SAFB: variants seen among roughly 807,000 people sequenced by gnomAD.
SAFB encodes the protein scaffold attachment factor B.
In SAFB, 15 loss-of-function variants were observed where a neutral mutation model predicts 101.6. That is an observed-to-expected ratio of 0.15 (90% CI 0.10 to 0.23). The LOEUF is 0.23. SAFB is among the 10% of genes least tolerant of loss of function. The pLI, the probability that SAFB is intolerant of heterozygous loss-of-function variation, is 1.00. For synonymous variants in SAFB, 449 were observed against 407.5 expected (o/e 1.10, Z -1.23); for missense variants, 930 against 1,104.1 (o/e 0.84, Z 2.23).
chr19:5,652,930 C>T (rs1050591670), intron 9 of SAFB, among the ~76,000 whole-genome samples, 185 bp from the exon 10 acceptor site: 2 of 152,116 alleles, frequency 1.3e-5, no homozygotes, highest in Admixed American at 6.6e-5. Flanking sequence ...ACTAGATGAG[C>T]GATTAGAACT....
At chr19:5,641,089 C>T (rs906914358) in intron 2 of SAFB, among the ~76,000 whole-genome samples, 11 of 152,218 alleles carry the variant, frequency 7.2e-5, no homozygotes, top group Middle Eastern at 3.4e-3. Flanking sequence ...AGGCTGGTCT[C>T]GAACTCCTGA....
In SAFB at chr19:5,653,367, C is replaced by G. The variant is rs139816913; in HGVS notation, c.1473C>G (p.Thr491=). The change falls in exon 11 of 21, where the codon ACC becomes ACG. Residue 491 remains threonine (T), a synonymous_variant. Coordinates refer to ENST00000588852, the MANE Select transcript of SAFB (RefSeq NM_001201338.2). ...AAAATGAACCTGTGGGAAAGAAAAC[C>G]TCTGACAAAAGAGACAGTGACGGGA... ...KAKNEPVGKK[T]SDKRDSDGKK... is the part of the protein sequence containing the mutation. 6.2e-7 allele frequency: 1 copy of G among 1,613,970 alleles called. No homozygotes were observed. Among genetic ancestry groups the G allele is most frequent in the African/African-American group, 1.3e-5 (1 of 74,882 alleles).
chr19:5,645,394 T>C lies in SAFB; in HGVS notation c.604T>C (p.Leu202=). ...LDTSSSDFTI[L]QEIEEPSLEP... ...TACTTCATCATCTGACTTCACTATA[T>C]TACAGGTAAACTGTTGTATGTCTCA... The change falls in exon 5 of 21, where the codon TTA becomes CTA. Residue 202 remains leucine, a synonymous_variant. Coordinates refer to ENST00000588852, the MANE Select transcript of SAFB (RefSeq NM_001201338.2). The C allele has an allele frequency of 1.5e-6, 2 of 1,352,202 alleles. No homozygotes were observed. The highest frequency in any genetic ancestry group is 1.2e-5 in the South Asian group (1 of 84,930). The allele number at this position is 1,352,202 out of a possible 1,614,324, so 83.8% of individuals were successfully genotyped here.
intron 2 of SAFB, among the ~76,000 whole-genome samples, chr19:5,639,140 A>T (rs1385857039): frequency 1.3e-5 from 2 of 152,224 alleles, no homozygotes; most frequent in Non-Finnish European, 1.5e-5. Flanking sequence ...ATACAAATAT[A>T]ATATTGCGGA....
Position 5,654,192 on chromosome 19 carries a change from C to G in SAFB, c.1658C>G (p.Thr553Arg). 6.2e-7 allele frequency: 1 copy of G among 1,614,226 alleles called. No individual in the cohort carries two copies. ...GGCCCCTCAGAGCGATCTCGAGCCA[C>G]AAAGTCAGGTGGGCAGCTCATGAGC... ...KPGPSERSRA[T>R]KSGSRGTERT... Residue 553 changes from threonine to arginine, a missense_variant, in exon 12 of 21, where the codon ACA becomes AGA. Physicochemically the swap from Thr to Arg is moderately conservative, Grantham distance 71 (BLOSUM62 -1). Coordinates refer to ENST00000588852, the MANE Select transcript of SAFB (RefSeq NM_001201338.2).
chr19:5,645,540 T>C, intron 5 of SAFB, 141 bp downstream of exon 5: 1 of 543,946 alleles, frequency 1.8e-6, no homozygotes, highest in Non-Finnish European at 3.3e-6. Context: ...TAATGGGTGT[T>C]TGCTTTCTGC....
intron 2 of SAFB, among the ~76,000 whole-genome samples, chr19:5,637,378 A>G (rs2145418854): frequency 1.3e-5 from 2 of 150,062 alleles, no homozygotes; most frequent in South Asian, 4.2e-4. Flanking sequence ...TTCAGGCTGG[A>G]TGTGGTGACT....
intron 14 of SAFB, among the ~76,000 whole-genome samples, chr19:5,658,458 C>G (rs758033843): frequency 6.6e-6 from 1 of 152,160 alleles, no homozygotes; most frequent in East Asian, 1.9e-4. Flanking sequence ...TTCGGGAGGC[C>G]GAGGCTGGTG....
In SAFB at chr19:5,654,043, C is replaced by G; in HGVS notation, c.1527-18C>G. Reference sequence around the variant, plus strand: ...GGCATGAGCCACCACGCCCAGCCAACATGTCTGTTTTTTATAGATCTACAA... The same window carrying G: ...GGCATGAGCCACCACGCCCAGCCAAGATGTCTGTTTTTTATAGATCTACAA... On this transcript the variant is annotated intron_variant, in intron 11 of 20. Transcript: ENST00000588852. 1.2e-6 allele frequency: 2 copies of G among 1,613,268 alleles called. No homozygotes were observed. The highest frequency in any genetic ancestry group is 1.7e-6 in the Non-Finnish European group (2 of 1,179,540).
At chr19:5,648,141 C>T (rs1271852530) in intron 6 of SAFB, 98 bp downstream of exon 6, 1 of 1,006,536 alleles carries the variant, frequency 9.9e-7, no homozygotes, top group Non-Finnish European at 1.5e-6. Context: ...AGTTACCTTA[C>T]TATAGTATAC....
At chr19:5,635,976 C>G (rs1348407112) in intron 2 of SAFB, among the ~76,000 whole-genome samples, 1 of 152,022 alleles carries the variant, frequency 6.6e-6, no homozygotes, top group Non-Finnish European at 1.5e-5. Flanking sequence ...ACTGTCTTTC[C>G]TCAAGTCGTG....
At chr19:5,639,977 A>G (rs1003836662) in intron 2 of SAFB, among the ~76,000 whole-genome samples, 4 of 151,780 alleles carry the variant, frequency 2.6e-5, no homozygotes, top group Admixed American at 6.6e-5. Context: ...AGCTGGGATT[A>G]CAGTCATGCC....
At chr19:5,652,918 G>GA (rs1292735895) in intron 9 of SAFB, among the ~76,000 whole-genome samples, 197 bp from the exon 10 acceptor site, 1 of 152,142 alleles carries the variant, frequency 6.6e-6, no homozygotes, top group Non-Finnish European at 1.5e-5. Flanking sequence ...CCCCCTTGAG[G>GA]AACTAGATGA....
chr19:5,623,282 C>T lies in SAFB; in HGVS notation c.77C>T (p.Thr26Ile). 1 of 1,612,996 alleles carries T rather than the reference C, an allele frequency of 6.2e-7. No individual in the cohort carries two copies. The highest frequency in any genetic ancestry group is 8.5e-7 in the Non-Finnish European group (1 of 1,179,518). Reference sequence around the variant, plus strand: ...GCTCTGAGCTCCGCCTCGTCAGAGACCGGGACGCGGCGCCTCAGCGACCTG... The same window carrying T: ...GCTCTGAGCTCCGCCTCGTCAGAGATCGGGACGCGGCGCCTCAGCGACCTG... ...AAALSSASSE[T>I]GTRRLSDLRV... is the part of the protein sequence containing the mutation. The change falls in exon 1 of 21, where the codon ACC becomes ATC. Residue 26 changes from threonine (T) to isoleucine (I), a missense_variant. This residue lies in a region of SAFB where 44 missense variants were observed against 35.8 expected (regional missense o/e 1.23). Transcript: ENST00000588852.
At chr19:5,645,158 T>A (rs1446271777) in intron 4 of SAFB, among the ~76,000 whole-genome samples, 179 bp from the exon 5 acceptor site, 1 of 152,250 alleles carries the variant, frequency 6.6e-6, no homozygotes, top group Non-Finnish European at 1.5e-5. Context: ...GACATTTACA[T>A]ACAACTTTTT....
At position 5,654,133 on chromosome 19, in the gene SAFB, A is replaced by G; in HGVS notation, c.1599A>G (p.Gly533=). The G allele has an allele frequency of 6.2e-7, 1 of 1,614,184 alleles. No individual in the cohort carries two copies. The highest frequency in any genetic ancestry group is 8.5e-7 in the Non-Finnish European group (1 of 1,180,004). Reference sequence around the variant, plus strand: ...CTAAGAAGGGTGACGACGGAAGTGGAGAAAAGAGTAAGGACCAAGATGATC... The same window carrying G: ...CTAAGAAGGGTGACGACGGAAGTGGGGAAAAGAGTAAGGACCAAGATGATC... ...DDAKKGDDGS[G]EKSKDQDDQK... Residue 533 remains glycine (G), a synonymous_variant, in exon 12 of 21, where the codon GGA becomes GGG. Coordinates refer to ENST00000588852, the MANE Select transcript of SAFB (RefSeq NM_001201338.2).
At chr19:5,623,506 G>T in intron 1 of SAFB, 112 bp downstream of exon 1, 2 of 859,004 alleles carry the variant, frequency 2.3e-6, no homozygotes, top group South Asian at 3.9e-5. Context: ...GGCCTCGCCG[G>T]ACCTGGCGCT....
chr19:5,652,147 C>G (rs547079369), intron 9 of SAFB, among the ~76,000 whole-genome samples: 94 of 151,898 alleles, frequency 6.2e-4, no homozygotes, highest in African/African-American at 2.2e-3. Context: ...GACCCGAGAC[C>G]GTGCCACTGC....
At chr19:5,642,995 A>G (rs1237797029) in intron 4 of SAFB, among the ~76,000 whole-genome samples, 2 of 152,086 alleles carry the variant, frequency 1.3e-5, no homozygotes, top group Non-Finnish European at 2.9e-5. Context: ...TAATAGCAAC[A>G]TGAGGTGCTG....
Sources: gnomAD v4.1 joint callset for allele counts (sites outside exome capture counted in the v4.1 genomes callset) on GRCh38, gnomAD v4.1.1 for gene constraint, gnomAD v4.1.1 regional missense constraint, MANE v1.5 for transcripts, NCBI Gene and HGNC (gene_info 2026-07-23, HGNC 2026-07-21) for gene names.